CCDC7: variants seen among roughly 807,000 people sequenced by gnomAD.
CCDC7 encodes the protein coiled-coil domain containing 7, also known as coiled-coil domain-containing protein 7.
A neutral mutation model predicts 196.9 loss-of-function variants in CCDC7; 183 were observed. The observed-to-expected ratio is 0.93, with a 90% confidence interval of 0.82 to 1.05. The LOEUF is 1.05. Ranked by LOEUF, CCDC7 falls within the 50% of genes least tolerant of loss-of-function variation. CCDC7 has a pLI of 0.00. For synonymous variants in CCDC7, 525 were observed against 484.6 expected (o/e 1.08, Z -1.10); for missense variants, 1,540 against 1,482.2 (o/e 1.04, Z -0.64).
chr10:32,854,632 C>G (rs939159800), intron 41 of CCDC7, 143 bp downstream of exon 42: 1 of 561,022 alleles, frequency 1.8e-6, no homozygotes, highest in Admixed American at 3.7e-5. Flanking sequence ...CCAAACCTTT[C>G]TTCAAACAAG....
chr10:32,456,406 A>G (rs750984211), intron 3 of CCDC7, 72 bp downstream of exon 4: 1 of 1,255,676 alleles, frequency 8.0e-7, no homozygotes, highest in African/African-American at 1.5e-5. Flanking sequence ...TGAATCTGCT[A>G]TCCAGTCAGC....
chr10:32,631,622 G>C lies in CCDC7; in HGVS notation c.1802-2632G>C, dbSNP rs190273342. ...TTTTTTCTCATGTTTTGGTGGTTCT[G>C]GATGCCTTAAATTTACATATAAGTT... On this transcript the variant is annotated intron_variant, in intron 18 of 41. Transcript: ENST00000639629. 3.1e-3 allele frequency among the ~76,000 whole-genome samples: 468 copies of C among 151,510 alleles called. 1 individual carries two copies. The highest frequency in any genetic ancestry group is 4.1e-3 in the Non-Finnish European group (278 of 67,906).
Position 32,619,739 on chromosome 10 carries a change from C to T in CCDC7, c.1802-14515C>T, listed in dbSNP as rs774642387. Among the ~76,000 whole-genome samples, 34 of 151,284 alleles carry T rather than the reference C, an allele frequency of 2.2e-4. 1 individual carries two copies. Among genetic ancestry groups the T allele is most frequent in the Non-Finnish European group, 3.4e-4 (23 of 67,874 alleles). ...TCCTGAGCAGCTAGGACTACAGGCT[C>T]GCACCACCATGCCAGTCTATTTTTA... On this transcript the variant is annotated intron_variant, in intron 18 of 41. Transcript: ENST00000639629.
intron 25 of CCDC7, among the ~76,000 whole-genome samples, chr10:32,720,934 A>T (rs2082320797): frequency 6.6e-6 from 1 of 152,092 alleles, no homozygotes; most frequent in Admixed American, 6.6e-5. Context: ...TCTACAAAAA[A>T]ATGCAAAAAT....
chr10:32,666,968 T>G (rs2072914363), intron 21 of CCDC7, among the ~76,000 whole-genome samples: 1 of 152,170 alleles, frequency 6.6e-6, no homozygotes, highest in Non-Finnish European at 1.5e-5. Flanking sequence ...TCCACAATGG[T>G]TGAACTAGTT....
intron 11 of CCDC7, among the ~76,000 whole-genome samples, chr10:32,535,203 T>A (rs2050280223): frequency 1.3e-5 from 2 of 151,922 alleles, no homozygotes; most frequent in South Asian, 4.2e-4. Flanking sequence ...AAAATCTCAG[T>A]GCTCTGTATT....
intron 13 of CCDC7, among the ~76,000 whole-genome samples, chr10:32,563,258 C>T (rs1335361834): frequency 6.6e-6 from 1 of 152,102 alleles, no homozygotes; most frequent in South Asian, 2.1e-4. Context: ...CCATCCCCAT[C>T]CAGCTACCAA....
At chr10:32,639,359 T>A (rs1196749685) in intron 20 of CCDC7, among the ~76,000 whole-genome samples, 10 of 152,216 alleles carry the variant, frequency 6.6e-5, no homozygotes. Context: ...CTGCTTTCTC[T>A]TGTGGGCATT....
chr10:32,591,673 G>C (rs2059795668), intron 18 of CCDC7, among the ~76,000 whole-genome samples: 1 of 152,096 alleles, frequency 6.6e-6, no homozygotes, highest in Admixed American at 6.5e-5. Flanking sequence ...TTCACTAAAA[G>C]GCAGAGGAGT....
intron 33 of CCDC7, among the ~76,000 whole-genome samples, chr10:32,842,821 T>A (rs754421668): frequency 4.6e-5 from 7 of 152,052 alleles, no homozygotes; most frequent in Non-Finnish European, 8.8e-5. Context: ...AGACTATTAT[T>A]ATAAGTGAAC....
chr10:32,456,945 A>C (rs1028774823), intron 3 of CCDC7, among the ~76,000 whole-genome samples: 3 of 152,024 alleles, frequency 2.0e-5, no homozygotes, highest in African/African-American at 7.2e-5. Context: ...GTAGTGGTCA[A>C]ATCAGAGTAA....
At chr10:32,747,042 T>C (rs1290462467) in intron 28 of CCDC7, among the ~76,000 whole-genome samples, 12 of 152,194 alleles carry the variant, frequency 7.9e-5, no homozygotes, top group African/African-American at 2.9e-4. Context: ...CAAAGCACTT[T>C]GCTGGGACCC....
intron 9 of CCDC7, chr10:32,511,769 GC>G: frequency 6.7e-7 from 1 of 1,483,576 alleles, no homozygotes; most frequent in South Asian, 1.1e-5. Context: ...TTCGACTCCA[GC>G]CTCCCGGAAA....
chr10:32,613,912 G>T (rs1173522229), intron 18 of CCDC7, among the ~76,000 whole-genome samples: 1 of 152,078 alleles, frequency 6.6e-6, no homozygotes, highest in African/African-American at 2.4e-5. Flanking sequence ...TATTAGGTCT[G>T]CTTCTGTAGA....
intron 18 of CCDC7, among the ~76,000 whole-genome samples, chr10:32,633,430 T>C (rs1205256924): frequency 6.6e-6 from 1 of 152,158 alleles, no homozygotes; most frequent in South Asian, 2.1e-4. Flanking sequence ...ACAACACATG[T>C]ACTCATTTGC....
chr10:32,747,928 C>A (rs766062759), intron 28 of CCDC7, among the ~76,000 whole-genome samples: 1 of 152,184 alleles, frequency 6.6e-6, no homozygotes, highest in Admixed American at 6.5e-5. Context: ...TTCATCACAG[C>A]ACTATTGACA....
chr10:32,552,491 T>G lies in CCDC7; in HGVS notation c.1134+8190T>G, dbSNP rs986428212. Among the ~76,000 whole-genome samples the G allele has an allele frequency of 2.6e-5, 4 of 152,192 alleles. No homozygotes were observed. In the East Asian group the frequency reaches 7.7e-4, roughly 29 times the overall value. On this transcript the variant is annotated intron_variant, in intron 13 of 41. Coordinates refer to ENST00000639629, the Ensembl canonical transcript of CCDC7. ...TTGTTTTTTGCTTTTGCTTTTTAAC[T>G]TGTATTTATGTTTTATAGATCCTGT... is the stretch of plus-strand genomic sequence containing the variant.
intron 18 of CCDC7, among the ~76,000 whole-genome samples, chr10:32,626,469 G>C (rs2064058587): frequency 6.6e-6 from 1 of 151,752 alleles, no homozygotes; most frequent in South Asian, 2.1e-4. Flanking sequence ...TTAAATCCTT[G>C]ATGAATGTAT....
chr10:32,699,402 C>T (rs1591730663), intron 24 of CCDC7, among the ~76,000 whole-genome samples: 1 of 151,932 alleles, frequency 6.6e-6, no homozygotes, highest in Non-Finnish European at 1.5e-5. Flanking sequence ...TTTATGGCTG[C>T]ATAGTATTCC....
Sources: allele counts gnomAD v4.1 joint callset (sites outside exome capture counted in the v4.1 genomes callset), GRCh38; gene constraint gnomAD v4.1.1; transcripts MANE v1.5; gene names NCBI Gene and HGNC (gene_info 2026-07-23, HGNC 2026-07-21).